Variants in IQSEC1 observed in about 807,000 individuals in gnomAD.
IQSEC1 encodes the protein IQ motif and Sec7 domain ArfGEF 1, also known as IQ motif and SEC7 domain-containing protein 1.
In IQSEC1, 31 loss-of-function variants were observed where a neutral mutation model predicts 91.0. The ratio of observed to expected loss-of-function variants is 0.34; its 90% CI spans 0.26 to 0.46. The LOEUF (loss-of-function observed/expected upper bound fraction) is 0.46. Ranked by LOEUF, IQSEC1 falls within the 20% of genes least tolerant of loss-of-function variation. IQSEC1 has a pLI of 1.00. For missense variants in IQSEC1, 1,388 were observed against 1,575.6 expected, an observed-to-expected ratio of 0.88 and a Z score of 2.02; for synonymous variants, 699 against 662.6, an observed-to-expected ratio of 1.05 and a Z score of -0.84.
At chr3:13,274,046 G>T (rs1695633714) in intron 1 of IQSEC1, among the ~76,000 whole-genome samples, 1 of 152,202 alleles carries the variant, frequency 6.6e-6, no homozygotes, top group Non-Finnish European at 1.5e-5. Context: ...ACATGCCGAG[G>T]GGGAGAAAGT....
intron 1 of IQSEC1, among the ~76,000 whole-genome samples, chr3:13,013,339 C>T (rs184913594): frequency 6.6e-6 from 1 of 152,168 alleles, no homozygotes; most frequent in African/African-American, 2.4e-5. Context: ...GTCCCCTCAC[C>T]TCTTTCCCAG....
Position 12,967,326 on chromosome 3 carries a change from G to A in IQSEC1, c.24-25461C>T. On this transcript the variant is annotated intron_variant, in intron 1 of 13. Coordinates refer to ENST00000613206, the MANE Select transcript of IQSEC1 (RefSeq NM_001134382.3). The surrounding 1 kb of genome is among the most constrained non-coding windows in gnomAD (Gnocchi z 5.9). ...GCACTCCCGCACAGGCATCCCCACA[G>A]CCTGCGCCAGCCCACCGCTCAGCAC... 7.0e-7 allele frequency: 1 copy of A among 1,428,184 alleles called. No individual in the cohort carries two copies. The allele number at this position is 1,428,184 out of a possible 1,614,324, so 88.5% of individuals were successfully genotyped here. A position where few individuals can be genotyped will look rare whatever the true frequency, so the allele number is the denominator to read the frequency against.
intron 6 of IQSEC1, among the ~76,000 whole-genome samples, chr3:12,920,072 A>G (rs548639016): frequency 1.3e-5 from 2 of 152,364 alleles, no homozygotes; most frequent in South Asian, 4.1e-4. Context: ...CTCCATTTAC[A>G]GTAGCGATAT....
chr3:13,248,865 A>AT (rs1695148404), intron 1 of IQSEC1, among the ~76,000 whole-genome samples: 7 of 152,146 alleles, frequency 4.6e-5, no homozygotes, highest in South Asian at 2.1e-4. Flanking sequence ...ACACAGCTGC[A>AT]CAGAGAGATT....
chr3:13,060,952 T>A, intron 1 of IQSEC1, among the ~76,000 whole-genome samples: 1 of 152,194 alleles, frequency 6.6e-6, no homozygotes, highest in East Asian at 1.9e-4. Context: ...CAGTTTCCTC[T>A]GCATACGGGC....
At chr3:12,918,965 G>C (rs1488731476) in intron 6 of IQSEC1, among the ~76,000 whole-genome samples, 1 of 152,242 alleles carries the variant, frequency 6.6e-6, no homozygotes, top group Non-Finnish European at 1.5e-5. Flanking sequence ...GCTGCCAATA[G>C]CATGCAGCAC....
At chr3:13,192,519 C>T (rs1044002637) in intron 1 of IQSEC1, among the ~76,000 whole-genome samples, 2 of 152,090 alleles carry the variant, frequency 1.3e-5, no homozygotes, top group Non-Finnish European at 2.9e-5. Context: ...GACAGCCCTG[C>T]GGAGGTGGAG....
intron 1 of IQSEC1, among the ~76,000 whole-genome samples, chr3:12,960,887 A>G (rs1286136144): frequency 1.3e-5 from 2 of 152,104 alleles, no homozygotes; most frequent in Non-Finnish European, 2.9e-5. Context: ...GTCTACCCAC[A>G]CTGCCTCTCC....
At chr3:13,097,841 G>C (rs1705990886) in intron 2 of IQSEC1, among the ~76,000 whole-genome samples, 1 of 152,184 alleles carries the variant, frequency 6.6e-6, no homozygotes, top group African/African-American at 2.4e-5. Context: ...TTGTCACTGG[G>C]GAAGGCTGGA....
intron 1 of IQSEC1, among the ~76,000 whole-genome samples, chr3:12,971,924 A>C (rs1700918754): frequency 6.6e-6 from 1 of 152,142 alleles, no homozygotes; most frequent in South Asian, 2.1e-4. Context: ...CAGGAGGCTG[A>C]GGCAGGAGAA....
chr3:13,071,474 T>C (rs867306666), intron 1 of IQSEC1, among the ~76,000 whole-genome samples: 3 of 152,192 alleles, frequency 2.0e-5, no homozygotes, highest in African/African-American at 4.8e-5. Context: ...ATCAGGCTCC[T>C]GGGCCCAGGC....
At chr3:12,963,438 G>A (rs1349098300) in intron 1 of IQSEC1, among the ~76,000 whole-genome samples, 1 of 152,044 alleles carries the variant, frequency 6.6e-6, no homozygotes, top group Non-Finnish European at 1.5e-5. Context: ...CCTCACAAAC[G>A]AGCAAAAAAG....
chr3:12,912,700 C>T (rs1253009841), intron 9 of IQSEC1, among the ~76,000 whole-genome samples: 1 of 132,666 alleles, frequency 7.5e-6, no homozygotes, highest in East Asian at 2.2e-4. Context: ...AAAAAAAGAA[C>T]ATGGGCATCT....
intron 2 of IQSEC1, among the ~76,000 whole-genome samples, chr3:13,144,401 G>C (rs1706853596): frequency 6.6e-6 from 1 of 152,204 alleles, no homozygotes. Flanking sequence ...GAGGGAGGCA[G>C]GGAGAGTGCG....
Position 12,936,034 on chromosome 3 carries a change from C to A in IQSEC1, c.982G>T (p.Asp328Tyr). Reference sequence around the variant, plus strand: ...TCTTTGTGGGCCAGGGCCCAGTAGTCTGGGGCTGCGCCCCCAGCCCGTAGC... The same window carrying A: ...TCTTTGTGGGCCAGGGCCCAGTAGTATGGGGCTGCGCCCCCAGCCCGTAGC... The part of the protein sequence containing the change: ...LRLRAGGAAP[D>Y]YWALAHKEDK... Residue 328 changes from aspartate to tyrosine, a missense_variant, in exon 3 of 14, where the codon GAC (aspartate) becomes TAC (tyrosine). Asp to Tyr is a radical substitution (Grantham distance 160, BLOSUM62 -3). This residue lies in a region of IQSEC1 where 1,059 missense variants were observed against 1,317.8 expected (regional missense o/e 0.80). Transcript: ENST00000613206. 3 of 1,602,780 alleles carry A rather than the reference C, an allele frequency of 1.9e-6. No individual in the cohort carries two copies. The highest frequency in any genetic ancestry group is 3.4e-4 in the Middle Eastern group (2 of 5,902).
chr3:12,915,819 C>T, intron 6 of IQSEC1, 86 bp from the exon 7 acceptor site: 1 of 1,500,554 alleles, frequency 6.7e-7, no homozygotes, highest in Non-Finnish European at 9.1e-7. Flanking sequence ...AGGAGCGAAC[C>T]TTCCACTAGA....
chr3:12,959,543 G>T (rs1700116445), intron 1 of IQSEC1, among the ~76,000 whole-genome samples: 1 of 152,184 alleles, frequency 6.6e-6, no homozygotes, highest in East Asian at 1.9e-4. Context: ...TCCCAAATGG[G>T]TCAGACACCA....
chr3:13,061,051 C>T (rs553966007), intron 1 of IQSEC1, among the ~76,000 whole-genome samples: 2 of 152,250 alleles, frequency 1.3e-5, no homozygotes, highest in East Asian at 1.9e-4. Flanking sequence ...TACACATACA[C>T]AAGGGTGACA....
chr3:12,923,770 A>C lies in IQSEC1; in HGVS notation c.1730+811T>G, dbSNP rs553695239. Among the ~76,000 whole-genome samples, 18 of 152,290 alleles carry C rather than the reference A, an allele frequency of 1.2e-4. No individual in the cohort carries two copies. In the South Asian group the frequency reaches 3.7e-3, roughly 32 times the overall value. On this transcript the variant is annotated intron_variant, in intron 4 of 13. Transcript: ENST00000613206. ...GCTCCAGGGGCTGCTGCTCCCGGGC[A>C]CCTTCTCCCCAGCCCTCGTTGGTCC...
Sources: gnomAD v4.1 joint callset for allele counts (sites outside exome capture counted in the v4.1 genomes callset) on GRCh38, gnomAD v4.1.1 for gene constraint, gnomAD v4.1.1 regional missense constraint, Gnocchi (gnomAD v3.1) non-coding constraint, MANE v1.5 for transcripts, NCBI Gene and HGNC (gene_info 2026-07-23, HGNC 2026-07-21) for gene names.